SLC6A2: variants seen among roughly 807,000 people sequenced by gnomAD.
SLC6A2 encodes sodium-dependent noradrenaline transporter.
A neutral mutation model predicts 71.7 loss-of-function variants in SLC6A2; 26 were observed. The ratio of observed to expected loss-of-function variants is 0.36; its 90% CI spans 0.27 to 0.50. SLC6A2 has a LOEUF of 0.50. Ranked by LOEUF, SLC6A2 falls within the 20% of genes least tolerant of loss-of-function variation. SLC6A2 has a pLI of 0.96. For missense variants in SLC6A2, 581 were observed against 803.9 expected (o/e 0.72, Z 3.35); for synonymous variants, 363 against 337.9 (o/e 1.07, Z -0.82).
At chr16:55,674,953 A>G (rs1371029582) in intron 4 of SLC6A2, among the ~76,000 whole-genome samples, 1 of 152,118 alleles carries the variant, frequency 6.6e-6, no homozygotes, top group Admixed American at 6.5e-5. Context: ...GGCTTAACTA[A>G]TTTACATTCC....
At chr16:55,678,038 T>A (rs36021) in intron 4 of SLC6A2, among the ~76,000 whole-genome samples, 90,316 of 152,000 alleles carry the variant, frequency 0.59, 26,952 homozygotes, top group African/African-American at 0.66. Flanking sequence ...CCCTCCACTA[T>A]CCATGCAAAC....
At chr16:55,697,252 A>G (rs12924088) in intron 9 of SLC6A2, among the ~76,000 whole-genome samples, 40,347 of 152,066 alleles carry the variant, frequency 0.27, 6,203 homozygotes, top group Non-Finnish European at 0.33. Flanking sequence ...CTGGGCTTAT[A>G]ATGAAGAATA....
At chr16:55,699,507 G>C (rs1314134381) in intron 11 of SLC6A2, 47 bp from the exon 12 acceptor site, 1 of 1,472,486 alleles carries the variant, frequency 6.8e-7, no homozygotes. Flanking sequence ...ACCTGGCCCT[G>C]GCTATCATGG....
intron 2 of SLC6A2, among the ~76,000 whole-genome samples, chr16:55,663,094 A>T (rs1302029759): frequency 3.3e-5 from 5 of 152,130 alleles, no homozygotes; most frequent in African/African-American, 9.7e-5. Context: ...ACTGTCTATA[A>T]ATCAGGGTTC....
chr16:55,665,273 A>T (rs1964718577), intron 2 of SLC6A2, among the ~76,000 whole-genome samples: 2 of 152,156 alleles, frequency 1.3e-5, no homozygotes, highest in Admixed American at 6.5e-5. Flanking sequence ...TTGATTTGTC[A>T]CCTTTAAATG....
At position 55,657,316 on chromosome 16, in the gene SLC6A2, G is replaced by C. The variant is rs527681962; in HGVS notation, c.274+348G>C. ...ATCTGGGGTGCCAGGTTGGGTGGGG[G>C]AGCCTGACCTTTTGATGGTCTGCTG... On this transcript the variant is annotated intron_variant, in intron 2 of 14. Coordinates refer to ENST00000568943, the MANE Select transcript of SLC6A2 (RefSeq NM_001172501.3). Among the ~76,000 whole-genome samples the C allele has an allele frequency of 4.6e-5, 7 of 152,230 alleles. No homozygotes were observed. The South Asian group carries it at 1.2e-3, about 27-fold the overall frequency.
At chr16:55,672,448 G>A (rs1311589813) in intron 4 of SLC6A2, among the ~76,000 whole-genome samples, 1 of 152,174 alleles carries the variant, frequency 6.6e-6, no homozygotes, top group Non-Finnish European at 1.5e-5. Flanking sequence ...TAGAGTGTGT[G>A]CACTTCAGGG....
In SLC6A2 at chr16:55,663,654, T is replaced by C. The variant is rs112522453; in HGVS notation, c.275-5911T>C. On this transcript the variant is annotated intron_variant, in intron 2 of 14. Coordinates refer to ENST00000568943, the MANE Select transcript of SLC6A2 (RefSeq NM_001172501.3). Reference sequence around the variant, plus strand: ...TATGAAACCTATCTGTCTATCTATCTATCCATCTGTCTATCTATTGTTCTA... The same window carrying C: ...TATGAAACCTATCTGTCTATCTATCCATCCATCTGTCTATCTATTGTTCTA... Among the ~76,000 whole-genome samples, 104 of 152,326 alleles carry C rather than the reference T, an allele frequency of 6.8e-4. 1 individual carries two copies. The highest frequency in any genetic ancestry group is 2.5e-3 in the African/African-American group (102 of 41,570).
intron 7 of SLC6A2, 95 bp downstream of exon 7, chr16:55,694,208 C>T (rs1347831930): frequency 3.4e-6 from 3 of 877,478 alleles, no homozygotes; most frequent in Non-Finnish European, 5.8e-6. Context: ...GCCAACTCTC[C>T]CTGGGCAAGC....
At chr16:55,674,007 A>G (rs1253047533) in intron 4 of SLC6A2, among the ~76,000 whole-genome samples, 7 of 152,054 alleles carry the variant, frequency 4.6e-5, no homozygotes, top group Admixed American at 6.6e-5. Context: ...CATAACTATT[A>G]TTGTTGTTGT....
Position 55,703,809 on chromosome 16 carries a change from T to C in SLC6A2, c.*1463T>C. 1.0e-6 allele frequency: 1 copy of C among 985,240 alleles called. No homozygotes were observed. The highest frequency in any genetic ancestry group is 1.2e-6 in the Non-Finnish European group (1 of 829,906). 61.0% of individuals were successfully genotyped at this position (985,240 alleles called of 1,614,324 possible). On this transcript the variant is annotated 3_prime_UTR_variant, in exon 15 of 15. Coordinates refer to ENST00000568943, the MANE Select transcript of SLC6A2 (RefSeq NM_001172501.3). ...GTCAAGAAGGTGCTTTGCCTCAAAT[T>C]GGGGTGTTGTTGAGCCTGGTGGTTC...
chr16:55,682,057 C>T (rs1965290084), intron 4 of SLC6A2, among the ~76,000 whole-genome samples: 1 of 152,210 alleles, frequency 6.6e-6, no homozygotes, highest in African/African-American at 2.4e-5. Flanking sequence ...CAGGCATGCA[C>T]TACCACACCC....
At chr16:55,669,448 C>A in intron 2 of SLC6A2, 117 bp from the exon 3 acceptor site, 1 of 1,076,464 alleles carries the variant, frequency 9.3e-7, no homozygotes, top group South Asian at 1.3e-5. Flanking sequence ...TGCGCGTCGC[C>A]TTTGGAAACA....
chr16:55,696,733 G>A (rs1421927987), intron 9 of SLC6A2, among the ~76,000 whole-genome samples: 1 of 152,168 alleles, frequency 6.6e-6, no homozygotes, highest in African/African-American at 2.4e-5. Context: ...TATAATCCCA[G>A]GGCTGTGGAA....
chr16:55,686,379 G>A (rs560291327), intron 5 of SLC6A2, among the ~76,000 whole-genome samples: 1 of 152,268 alleles, frequency 6.6e-6, no homozygotes, highest in South Asian at 2.1e-4. Flanking sequence ...CATGTCCCAA[G>A]CAGACAAGCC....
rs909087700 is a variant in SLC6A2, at chr16:55,656,600, G to C, written c.-51-44G>C. 1.7e-5 allele frequency: 26 copies of C among 1,525,728 alleles called. No homozygotes were observed. Among genetic ancestry groups the C allele is most frequent in the Middle Eastern group, 2.3e-4 (1 of 4,312 alleles). 94.5% of individuals were successfully genotyped at this position (1,525,728 alleles called of 1,614,324 possible). A position where few individuals can be genotyped will look rare whatever the true frequency, so the allele number is the denominator to read the frequency against. ...GGTGGTCTTGGGAGTTGCAAGTAGG[G>C]AGGAACGGCCGGGTAACCACCTCTT... On this transcript the variant is annotated intron_variant, in intron 1 of 14. Coordinates refer to ENST00000568943, the MANE Select transcript of SLC6A2 (RefSeq NM_001172501.3). The surrounding 1 kb of genome is among the most constrained non-coding windows in gnomAD (Gnocchi z 4.5).
intron 9 of SLC6A2, among the ~76,000 whole-genome samples, chr16:55,697,547 A>C (rs1372576322): frequency 6.6e-6 from 1 of 152,206 alleles, no homozygotes; most frequent in Non-Finnish European, 1.5e-5. Flanking sequence ...ATTGACATGT[A>C]AACGTATGAC....
chr16:55,680,547 T>C (rs1965237610), intron 4 of SLC6A2, among the ~76,000 whole-genome samples: 1 of 152,100 alleles, frequency 6.6e-6, no homozygotes, highest in Non-Finnish European at 1.5e-5. Flanking sequence ...TCTGCCTGCT[T>C]TTGTTCTGGC....
chr16:55,688,903 C>A (rs1014752767), intron 5 of SLC6A2, among the ~76,000 whole-genome samples: 3 of 152,130 alleles, frequency 2.0e-5, no homozygotes, highest in Non-Finnish European at 4.4e-5. Context: ...TGATTGTGAG[C>A]CATTGGCTTG....
Sources: gnomAD v4.1 joint callset for allele counts (sites outside exome capture counted in the v4.1 genomes callset) on GRCh38, gnomAD v4.1.1 for gene constraint, Gnocchi (gnomAD v3.1) non-coding constraint, MANE v1.5 for transcripts, NCBI Gene and HGNC (gene_info 2026-07-23, HGNC 2026-07-21) for gene names.